Variants in MED23 observed in about 807,000 individuals in gnomAD.
MED23 encodes mediator complex subunit 23, also known as mediator of RNA polymerase II transcription subunit 23.
Under a neutral mutation model 163.9 loss-of-function variants are expected in MED23, and 105 were observed. The ratio of observed to expected loss-of-function variants is 0.64; its 90% CI spans 0.55 to 0.75. MED23 has a LOEUF of 0.75. Among genes scored for constraint, MED23 ranks in the 30% least tolerant of loss-of-function variants. The pLI, the probability that MED23 is intolerant of heterozygous loss-of-function variation, is 0.00. For synonymous variants in MED23, 561 were observed against 565.6 expected (o/e 0.99, Z 0.12); for missense variants, 1,054 against 1,649.0 (o/e 0.64, Z 6.25).
intron 6 of MED23, among the ~76,000 whole-genome samples, chr6:131,621,275 T>C (rs1415322795): frequency 6.6e-6 from 1 of 152,106 alleles, no homozygotes; most frequent in Non-Finnish European, 1.5e-5. Context: ...AACGATATAG[T>C]GTATACTTCA....
chr6:131,603,832 G>A (rs781427933), intron 15 of MED23, among the ~76,000 whole-genome samples: 48 of 152,120 alleles, frequency 3.2e-4, no homozygotes, highest in Non-Finnish European at 1.0e-4. Flanking sequence ...GTATGCACTG[G>A]AGGACAGCAT....
Position 131,587,718 on chromosome 6 carries a change from C to T in MED23, c.4068G>A (p.Gln1356=), listed in dbSNP as rs1774271403. The T allele has an allele frequency of 6.2e-7, 1 of 1,614,036 alleles. No homozygotes were observed. Among genetic ancestry groups the T allele is most frequent in the African/African-American group, 1.3e-5 (1 of 74,934 alleles). Residue 1356 remains glutamine, a synonymous_variant, in exon 29 of 29, where the codon CAG becomes CAA. Coordinates refer to ENST00000368068, the MANE Select transcript of MED23 (RefSeq NM_004830.4). ...GTAAAGACACGGGCACCTGATTAGA[C>T]TGAGGTGCTGGAGACCCACTGTTCA... ...QAMNSGSPAP[Q]SNQVPVSLPV... is the part of the protein sequence containing the mutation.
rs571619062 is a variant in MED23 at position 131,579,214 on chromosome 6, G to A, written c.4096-4919C>T. Reference sequence around the variant, plus strand: ...CAAGGTCTGTGGGAAAAGCAAGCGAGCAGCTGGCTGGCAAGGTGGCAGAAG... The same window carrying A: ...CAAGGTCTGTGGGAAAAGCAAGCGAACAGCTGGCTGGCAAGGTGGCAGAAG... On this transcript the variant is annotated intron_variant, in intron 30 of 30. Transcript: ENST00000354577. The A allele has an allele frequency of 2.2e-5, 35 of 1,614,138 alleles. No homozygotes were observed. In the East Asian group the frequency reaches 7.6e-4, roughly 35 times the overall value.
At position 131,598,387 on chromosome 6, in the gene MED23, G is replaced by A. The variant is rs1299960030; in HGVS notation, c.2507C>T (p.Thr836Ile). The part of the protein sequence containing the change: ...FADFLVYEFS[T>I]SAGGQQLNKC... ...ATTGAGTTGCTGACCCCCTGCTGATGTAGAAAACTCATATACCAGGAAATC... is the reference window on the plus strand; with the variant it reads ...ATTGAGTTGCTGACCCCCTGCTGATATAGAAAACTCATATACCAGGAAATC... Residue 836 changes from threonine (T) to isoleucine (I), a missense_variant, in exon 20 of 29, where the codon ACA becomes ATA. Physicochemically the swap from Thr to Ile is moderately conservative, Grantham distance 89. Coordinates refer to ENST00000368068, the MANE Select transcript of MED23 (RefSeq NM_004830.4). The surrounding 1 kb of genome is among the most constrained non-coding windows in gnomAD (Gnocchi z 4.7). The A allele has an allele frequency of 1.9e-6, 3 of 1,614,154 alleles. No individual in the cohort carries two copies. The highest frequency in any genetic ancestry group is 1.7e-6 in the Non-Finnish European group (2 of 1,180,012).
Position 131,618,554 on chromosome 6 carries a change from T to C in MED23, c.668-35A>G, listed in dbSNP as rs1434541381. ...TTACAAAAATGTTTTTAAGTAAATGTGAACACAGCAGTACTTCATTCACTT... is the reference window on the plus strand; with the variant it reads ...TTACAAAAATGTTTTTAAGTAAATGCGAACACAGCAGTACTTCATTCACTT... On this transcript the variant is annotated intron_variant, in intron 8 of 28. Coordinates refer to ENST00000368068, the MANE Select transcript of MED23 (RefSeq NM_004830.4). 2.3e-6 allele frequency: 3 copies of C among 1,323,156 alleles called. No individual in the cohort carries two copies. The African/African-American group carries it at 4.4e-5, about 19-fold the overall frequency. The allele number at this position is 1,323,156 out of a possible 1,614,324, so 82.0% of individuals were successfully genotyped here.
intron 27 of MED23, 68 bp from the exon 28 acceptor site, chr6:131,589,664 G>A (rs998942446): frequency 5.3e-6 from 8 of 1,495,630 alleles, no homozygotes; most frequent in Non-Finnish European, 7.4e-6. Context: ...TGATGCAGCT[G>A]GGCTCCATTA....
chr6:131,592,962 T>C (rs1774758724), intron 24 of MED23, 44 bp downstream of exon 24: 8 of 1,609,494 alleles, frequency 5.0e-6, no homozygotes, highest in Non-Finnish European at 6.0e-6. Flanking sequence ...CCATTCTATT[T>C]ACAAATAAAC....
chr6:131,584,345 A>G (rs1774093762), downstream of MED23: 1 of 173,926 alleles, frequency 5.7e-6, no homozygotes, highest in African/African-American at 2.5e-5. Context: ...TTGTGTCTAC[A>G]TATTTCTAAA....
downstream of MED23, chr6:131,583,333 ATCCTT>A (rs772208283): frequency 6.2e-7 from 1 of 1,614,116 alleles, no homozygotes; most frequent in East Asian, 2.2e-5. Context: ...TTAAACTGAA[ATCCTT>A]TCCCACTTCT....
At chr6:131,589,649 C>T in intron 27 of MED23, 53 bp from the exon 28 acceptor site, 5 of 1,556,912 alleles carry the variant, frequency 3.2e-6, no homozygotes, top group Non-Finnish European at 4.4e-6. Context: ...TTCAGTAATT[C>T]AGCATGATGC....
In MED23 at chr6:131,606,965, C is replaced by T. The variant is rs1466929230; in HGVS notation, c.1222-341G>A. 3.3e-5 allele frequency among the ~76,000 whole-genome samples: 5 copies of T among 151,924 alleles called. No individual in the cohort carries two copies. The South Asian group carries it at 1.0e-3, about 32-fold the overall frequency. ...TAAAACACATCATCATGAAATCTTA[C>T]TAAAGTGACAAATGTAACTAAAAAC... On this transcript the variant is annotated intron_variant, in intron 12 of 28. Coordinates refer to ENST00000368068, the MANE Select transcript of MED23 (RefSeq NM_004830.4).
At chr6:131,588,637 C>T (rs1774349982) in intron 28 of MED23, among the ~76,000 whole-genome samples, 1 of 152,170 alleles carries the variant, frequency 6.6e-6, no homozygotes, top group South Asian at 2.1e-4. Context: ...GCTGCTGAGA[C>T]ATAAAGGAGT....
At chr6:131,580,947 A>C (rs180993499) in intron 30 of MED23, among the ~76,000 whole-genome samples, 144 of 152,312 alleles carry the variant, frequency 9.5e-4, no homozygotes, top group Admixed American at 3.6e-3. Context: ...GCTACGCTCT[A>C]ATCGTGGTTT....
At chr6:131,586,687 G>A (rs1003179311), downstream of MED23, 14 of 1,323,996 alleles carry the variant, frequency 1.1e-5, no homozygotes, top group African/African-American at 1.9e-4. Flanking sequence ...ACTGACCCCA[G>A]CCAGCACACC....
intron 30 of MED23, among the ~76,000 whole-genome samples, chr6:131,580,443 A>G (rs1332889851): frequency 6.6e-6 from 1 of 152,240 alleles, no homozygotes; most frequent in Non-Finnish European, 1.5e-5. Context: ...ATACTTAAAC[A>G]TTCACAAATG....
At chr6:131,623,282 A>G (rs1299748174) in intron 5 of MED23, 69 bp downstream of exon 5, 6 of 1,207,464 alleles carry the variant, frequency 5.0e-6, no homozygotes, top group Non-Finnish European at 6.2e-6. Flanking sequence ...TCACCTGAAA[A>G]TAAGACATGC....
intron 25 of MED23, 40 bp from the exon 26 acceptor site, chr6:131,591,567 T>C (rs1774638063): frequency 9.2e-6 from 13 of 1,409,818 alleles, no homozygotes; most frequent in Non-Finnish European, 1.3e-5. Context: ...ATATCACTTA[T>C]CCAGCATTCC....
chr6:131,617,344 T>C (rs1210392474), intron 9 of MED23, among the ~76,000 whole-genome samples: 1 of 151,062 alleles, frequency 6.6e-6, no homozygotes, highest in African/African-American at 2.4e-5. Context: ...CTTAGGTGGA[T>C]GGACGGATAG....
intron 17 of MED23, among the ~76,000 whole-genome samples, chr6:131,601,108 C>T (rs939729661): frequency 2.0e-5 from 3 of 151,804 alleles, no homozygotes; most frequent in African/African-American, 7.3e-5. Context: ...GCTAGACTTA[C>T]GTATTTAGCA....
Sources: gnomAD v4.1 joint callset for allele counts (sites outside exome capture counted in the v4.1 genomes callset) on GRCh38, gnomAD v4.1.1 for gene constraint, Gnocchi (gnomAD v3.1) non-coding constraint, MANE v1.5 for transcripts, NCBI Gene and HGNC (gene_info 2026-07-23, HGNC 2026-07-21) for gene names.